KANSL1: variants seen among roughly 807,000 people sequenced by gnomAD.
The protein encoded by KANSL1 is KAT8 regulatory NSL complex subunit 1.
A neutral mutation model predicts 103.6 loss-of-function variants in KANSL1; 22 were observed. That is an observed-to-expected ratio of 0.21 (90% CI 0.15 to 0.30). KANSL1 has a LOEUF of 0.30. Among genes scored for constraint, KANSL1 ranks in the 10% least tolerant of loss-of-function variants. KANSL1 has a pLI of 1.00. For synonymous variants in KANSL1, 600 were observed against 527.6 expected, an observed-to-expected ratio of 1.14 and a Z score of -1.88; for missense variants, 1,337 against 1,399.8, an observed-to-expected ratio of 0.96 and a Z score of 0.72.
chr17:46,091,907 C>T (rs1439434719), intron 3 of KANSL1, among the ~76,000 whole-genome samples: 3 of 152,192 alleles, frequency 2.0e-5, no homozygotes, highest in Non-Finnish European at 4.4e-5. Context: ...CACCCTGTCT[C>T]CCAGGTTCAA....
chr17:46,047,325 T>C (rs555616392), intron 7 of KANSL1, among the ~76,000 whole-genome samples: 2 of 152,344 alleles, frequency 1.3e-5, no homozygotes, highest in East Asian at 3.9e-4. Flanking sequence ...GGGTTAGCAA[T>C]GATTGTTTTT....
chr17:46,115,237 T>G (rs1357626953), intron 2 of KANSL1, among the ~76,000 whole-genome samples: 1 of 152,076 alleles, frequency 6.6e-6, no homozygotes, highest in Non-Finnish European at 1.5e-5. Context: ...TTTTTTTATT[T>G]TTAGTAGAGA....
At chr17:46,176,677 G>C (rs1156866151) in intron 1 of KANSL1, among the ~76,000 whole-genome samples, 1 of 145,078 alleles carries the variant, frequency 6.9e-6, no homozygotes, top group Non-Finnish European at 1.5e-5. Flanking sequence ...GGCAACAAGA[G>C]CAAGACTCCA....
At chr17:46,052,938 T>TG (rs1373144461) in intron 6 of KANSL1, among the ~76,000 whole-genome samples, 14 of 111,194 alleles carry the variant, frequency 1.3e-4, no homozygotes, top group Middle Eastern at 7.4e-3. Flanking sequence ...CACTGCAGCC[T>TG]GGGAAAAAGA....
intron 2 of KANSL1, among the ~76,000 whole-genome samples, chr17:46,107,045 G>A (rs897134358): frequency 6.6e-6 from 1 of 152,180 alleles, no homozygotes; most frequent in South Asian, 2.1e-4. Flanking sequence ...AGTGACAAAA[G>A]CATCTAATAA....
intron 2 of KANSL1, among the ~76,000 whole-genome samples, chr17:46,158,118 AAAAGCAGTAACTG>A (rs1229101387): frequency 2.6e-5 from 4 of 152,272 alleles, no homozygotes; most frequent in African/African-American, 9.6e-5. Flanking sequence ...TATGCACCTA[AAAAGCAGTAACTG>A]AAATTCTGCC....
chr17:46,043,110 T>A (rs1435817475), intron 7 of KANSL1: 1 of 152,142 alleles, frequency 6.6e-6, no homozygotes, highest in Non-Finnish European at 1.5e-5. Context: ...CTGGAATGTA[T>A]AAAAGAGGCT....
chr17:46,177,426 ATGT>A (rs1429011472), intron 1 of KANSL1, among the ~76,000 whole-genome samples: 10 of 152,184 alleles, frequency 6.6e-5, no homozygotes, highest in African/African-American at 2.4e-4. Context: ...ATATTTCATG[ATGT>A]TGTTTATAAT....
chr17:46,210,948 T>C (rs1029442738), intron 1 of KANSL1, among the ~76,000 whole-genome samples: 22 of 152,080 alleles, frequency 1.4e-4, no homozygotes, highest in African/African-American at 5.3e-4. Context: ...AAAGTGGCAA[T>C]TCCAGAAGGG....
intron 2 of KANSL1, among the ~76,000 whole-genome samples, chr17:46,133,961 T>C (rs1261516914): frequency 6.6e-6 from 1 of 152,184 alleles, no homozygotes; most frequent in African/African-American, 2.4e-5. Flanking sequence ...TTAGAGAGTA[T>C]TGTAGAAGAC....
chr17:46,183,582 G>A (rs2046888623), intron 1 of KANSL1, among the ~76,000 whole-genome samples: 1 of 151,168 alleles, frequency 6.6e-6, no homozygotes, highest in African/African-American at 2.4e-5. Flanking sequence ...GGAGAGAGGA[G>A]AGAGGAGACA....
chr17:46,207,149 C>T (rs944749636), intron 1 of KANSL1, among the ~76,000 whole-genome samples: 1 of 152,136 alleles, frequency 6.6e-6, no homozygotes, highest in African/African-American at 2.4e-5. Context: ...GTGGCACACA[C>T]CTGTAGTCCT....
At chr17:46,170,574 C>G in intron 2 of KANSL1, 1 of 457,812 alleles carries the variant, frequency 2.2e-6, no homozygotes, top group Non-Finnish European at 3.8e-6. Flanking sequence ...TAAAGAGGTA[C>G]TAGTACAATT....
intron 2 of KANSL1, among the ~76,000 whole-genome samples, chr17:46,162,048 T>C (rs1007594699): frequency 1.3e-5 from 2 of 152,268 alleles, no homozygotes; most frequent in African/African-American, 2.4e-5. Context: ...CACAAAGCCT[T>C]AACTAATGAG....
At chr17:46,066,828 G>T (rs750358354) in intron 5 of KANSL1, 96 bp from the exon 6 acceptor site, 34 of 822,854 alleles carry the variant, frequency 4.1e-5, no homozygotes, top group Non-Finnish European at 5.6e-5. Flanking sequence ...TCTTATACTA[G>T]TTCAACCTCT....
chr17:46,207,627 G>A (rs1295721933), intron 1 of KANSL1, among the ~76,000 whole-genome samples: 1 of 152,142 alleles, frequency 6.6e-6, no homozygotes, highest in East Asian at 1.9e-4. Flanking sequence ...AATGTGCAGA[G>A]AATTTAAATA....
chr17:46,159,580 G>A (rs2045624483), intron 2 of KANSL1, among the ~76,000 whole-genome samples: 1 of 152,190 alleles, frequency 6.6e-6, no homozygotes, highest in Admixed American at 6.5e-5. Context: ...CAAGTTCTAT[G>A]GTAACTAGAT....
At chr17:46,164,967 G>C (rs1452389453) in intron 2 of KANSL1, among the ~76,000 whole-genome samples, 1 of 152,160 alleles carries the variant, frequency 6.6e-6, no homozygotes, top group Admixed American at 6.5e-5. Context: ...TGATAGCCGG[G>C]TGTTTGGTGC....
intron 3 of KANSL1, among the ~76,000 whole-genome samples, chr17:46,085,825 A>G (rs2079143392): frequency 6.6e-6 from 1 of 152,058 alleles, no homozygotes; most frequent in East Asian, 1.9e-4. Flanking sequence ...ATGGACTTTC[A>G]CCATGTTGCC....
Sources: allele counts gnomAD v4.1 joint callset (sites outside exome capture counted in the v4.1 genomes callset), GRCh38; gene constraint gnomAD v4.1.1; transcripts MANE v1.5; gene names NCBI Gene and HGNC (gene_info 2026-07-23, HGNC 2026-07-21).